Variants in ASAP1 observed in about 807,000 individuals in gnomAD.
ASAP1 encodes the protein ArfGAP with SH3 domain, ankyrin repeat and PH domain 1.
A neutral mutation model predicts 145.2 loss-of-function variants in ASAP1; 43 were observed. The observed-to-expected ratio is 0.30, with a 90% confidence interval of 0.23 to 0.38. The LOEUF (loss-of-function observed/expected upper bound fraction) is 0.38. ASAP1 is among the 10% of genes least tolerant of loss of function. The pLI, the probability that ASAP1 is intolerant of heterozygous loss-of-function variation, is 1.00. For missense variants in ASAP1, 1,018 were observed against 1,355.3 expected, an observed-to-expected ratio of 0.75 and a Z score of 3.91; for synonymous variants, 546 against 515.5, an observed-to-expected ratio of 1.06 and a Z score of -0.80.
intron 9 of ASAP1, among the ~76,000 whole-genome samples, chr8:130,169,640 A>G (rs1446967406): frequency 6.6e-6 from 1 of 152,248 alleles, no homozygotes; most frequent in Non-Finnish European, 1.5e-5. Flanking sequence ...ACATGGTTGC[A>G]TGACTTCACC....
intron 13 of ASAP1, among the ~76,000 whole-genome samples, chr8:130,143,415 T>G (rs527956137): frequency 2.9e-4 from 44 of 151,974 alleles, no homozygotes; most frequent in African/African-American, 1.0e-3. Flanking sequence ...ATGTCTGTTT[T>G]TTTTTTTTTT....
In ASAP1 at chr8:130,157,269, C is replaced by A. The variant is rs1407452614; in HGVS notation, c.1010+2595G>T. On this transcript the variant is annotated intron_variant, in intron 12 of 29. Coordinates refer to ENST00000518721, the MANE Select transcript of ASAP1 (RefSeq NM_018482.4). ...AATTGTTAGTTGGGATTTCTTTTCT[C>A]CTTTTACTTTCACAGCAGGATTAAG... 2.6e-5 allele frequency among the ~76,000 whole-genome samples: 4 copies of A among 152,184 alleles called. No individual in the cohort carries two copies. In the East Asian group the frequency reaches 7.7e-4, roughly 29 times the overall value.
chr8:130,113,968 G>A (rs2097550715), intron 23 of ASAP1, among the ~76,000 whole-genome samples: 1 of 152,000 alleles, frequency 6.6e-6, no homozygotes, highest in South Asian at 2.1e-4. Context: ...TTTTTGTAGA[G>A]AGAGGGTTTC....
chr8:130,411,891 C>T (rs1045356687), intron 1 of ASAP1, among the ~76,000 whole-genome samples: 1 of 152,134 alleles, frequency 6.6e-6, no homozygotes, highest in Admixed American at 6.5e-5. Context: ...AAGTCACCTT[C>T]CAGGAGCAGC....
At chr8:130,094,952 G>A (rs1261547409) in intron 24 of ASAP1, among the ~76,000 whole-genome samples, 1 of 152,180 alleles carries the variant, frequency 6.6e-6, no homozygotes, top group African/African-American at 2.4e-5. Flanking sequence ...AATGCTAATG[G>A]AGCCATGTCT....
rs149044367 is a variant in ASAP1 at position 130,076,038 on chromosome 8, G to A, written c.2701+310C>T. Reference sequence around the variant, plus strand: ...ACACAGCTACTAAGTGGTAGAGCTGGTGTTGGTTCCCAAGTCTCTCTGATT... The same window carrying A: ...ACACAGCTACTAAGTGGTAGAGCTGATGTTGGTTCCCAAGTCTCTCTGATT... On this transcript the variant is annotated intron_variant, in intron 27 of 29. Transcript: ENST00000518721. 3.0e-3 allele frequency among the ~76,000 whole-genome samples: 452 copies of A among 152,040 alleles called. 1 individual carries two copies. The highest frequency in any genetic ancestry group is 1.0e-2 in the African/African-American group (415 of 41,546).
At chr8:130,086,544 C>T (rs572192069) in intron 25 of ASAP1, among the ~76,000 whole-genome samples, 13 of 152,210 alleles carry the variant, frequency 8.5e-5, no homozygotes, top group East Asian at 1.9e-4. Flanking sequence ...TGGCTCATGC[C>T]GGTAGTCTCC....
At chr8:130,202,394 T>C (rs1815922590) in intron 5 of ASAP1, among the ~76,000 whole-genome samples, 1 of 152,196 alleles carries the variant, frequency 6.6e-6, no homozygotes, top group Non-Finnish European at 1.5e-5. Context: ...TAAAATATTA[T>C]GTATAAGCAA....
chr8:130,179,215 C>G, intron 9 of ASAP1, 49 bp downstream of exon 9: 1 of 1,143,512 alleles, frequency 8.7e-7, no homozygotes, highest in Non-Finnish European at 1.3e-6. Flanking sequence ...TAATGAAGTA[C>G]AGGGGGCAGT....
chr8:130,073,904 A>G (rs1231174007), intron 27 of ASAP1, among the ~76,000 whole-genome samples: 2 of 152,230 alleles, frequency 1.3e-5, no homozygotes, highest in Non-Finnish European at 2.9e-5. Flanking sequence ...TCCAATTAAT[A>G]GGAAATATGA....
chr8:130,207,572 C>T (rs551912776), intron 5 of ASAP1, among the ~76,000 whole-genome samples: 67 of 152,228 alleles, frequency 4.4e-4, no homozygotes, highest in African/African-American at 1.5e-3. Flanking sequence ...GATTACTAAA[C>T]CCTTTTTACA....
chr8:130,386,946 C>T (rs1828046562), intron 2 of ASAP1: 1 of 152,202 alleles, frequency 6.6e-6, no homozygotes, highest in African/African-American at 2.4e-5. Flanking sequence ...TTTATAAGCA[C>T]CAAACCCCAA....
At chr8:130,340,894 G>A (rs1170896121) in intron 3 of ASAP1, 2 of 456,008 alleles carry the variant, frequency 4.4e-6, no homozygotes, top group Non-Finnish European at 8.8e-6. Context: ...ACCAATCATT[G>A]CGATGAATGA....
chr8:130,072,825 G>GCATGTGCGCGCGCGCGCGCA (rs1554816410), intron 27 of ASAP1, among the ~76,000 whole-genome samples: 1 of 54,096 alleles, frequency 1.8e-5, no homozygotes, highest in Non-Finnish European at 3.6e-5. Flanking sequence ...GTGTGTGTGT[G>GCATGTGCGCGCGCGCGCGCA]CGCGCGGGGG....
intron 27 of ASAP1, among the ~76,000 whole-genome samples, chr8:130,065,758 C>A (rs927414451): frequency 2.0e-5 from 3 of 152,156 alleles, no homozygotes; most frequent in Admixed American, 6.5e-5. Flanking sequence ...CTGGAGAAGC[C>A]AGTGTGGGTA....
At position 130,116,996 on chromosome 8, in the gene ASAP1, C is replaced by A; in HGVS notation, c.1881-1G>T. The A allele has an allele frequency of 1.3e-6, 2 of 1,594,782 alleles. No homozygotes were observed. The highest frequency in any genetic ancestry group is 1.7e-6 in the Non-Finnish European group (2 of 1,171,298). On this transcript the variant is annotated splice_acceptor_variant, in intron 20 of 29. Transcript: ENST00000518721. LOFTEE classifies it high-confidence loss of function. ...GGCCGTCTGCTTATCCAGGTTCCCA[C>A]TGAAAAATTAGATGATGATTAGAAA...
chr8:130,224,861 G>A (rs922460698), intron 4 of ASAP1, among the ~76,000 whole-genome samples: 3 of 152,180 alleles, frequency 2.0e-5, no homozygotes, highest in African/African-American at 7.2e-5. Flanking sequence ...AGGACTGCTG[G>A]GGGATAGTGT....
At chr8:130,100,083 C>T (rs1382244382) in intron 24 of ASAP1, among the ~76,000 whole-genome samples, 1 of 152,076 alleles carries the variant, frequency 6.6e-6, no homozygotes, top group Non-Finnish European at 1.5e-5. Flanking sequence ...TGTGAGAAAC[C>T]TCCATACTGT....
chr8:130,196,551 G>C (rs1324913882), intron 5 of ASAP1, among the ~76,000 whole-genome samples: 1 of 152,200 alleles, frequency 6.6e-6, no homozygotes. Flanking sequence ...TCTTGCCTCT[G>C]ACAGAAGAGC....
Sources: gnomAD v4.1 joint callset for allele counts (sites outside exome capture counted in the v4.1 genomes callset) on GRCh38, gnomAD v4.1.1 for gene constraint, MANE v1.5 for transcripts, NCBI Gene and HGNC (gene_info 2026-07-23, HGNC 2026-07-21) for gene names.